Variants in NFIC observed in about 807,000 individuals in gnomAD.
The protein encoded by NFIC is nuclear factor 1 C-type.
A neutral mutation model predicts 54.4 loss-of-function variants in NFIC; 12 were observed. That is an observed-to-expected ratio of 0.22 (90% confidence interval 0.14 to 0.36). NFIC has a LOEUF of 0.36. NFIC is among the 10% of genes least tolerant of loss of function. NFIC has a pLI of 1.00. For synonymous variants in NFIC, 322 were observed against 319.2 expected (o/e 1.01, Z -0.09); for missense variants, 575 against 718.2 (o/e 0.80, Z 2.28).
intron 7 of NFIC, among the ~76,000 whole-genome samples, chr19:3,450,921 G>T (rs2082452922): frequency 1.3e-5 from 2 of 152,208 alleles, no homozygotes; most frequent in African/African-American, 2.4e-5. Flanking sequence ...CCACGTCTTT[G>T]TATATGTCCT....
chr19:3,459,219 C>T lies in NFIC; in HGVS notation c.1509+2584C>T, dbSNP rs12984804. Among the ~76,000 whole-genome samples the T allele has an allele frequency of 0.22, 33,107 of 149,032 alleles. 4,369 individuals carry two copies. Among genetic ancestry groups the T allele is most frequent in the East Asian group, 0.67 (3,223 of 4,846 alleles). On this transcript the variant is annotated intron_variant, in intron 10 of 10. Transcript: ENST00000443272. The surrounding 1 kb of genome is among the most constrained non-coding windows in gnomAD (Gnocchi z 4.2). The stretch of plus-strand genomic sequence containing the variant: ...GGGCGCGCCTTTCCCTCTGCCTCTC[C>T]GGCTCCCGACACCCCCCAGTCCATG...
At chr19:3,437,954 C>T (rs2082231295) in intron 6 of NFIC, among the ~76,000 whole-genome samples, 1 of 152,084 alleles carries the variant, frequency 6.6e-6, no homozygotes. Flanking sequence ...TCTCAGCCTC[C>T]CAAAGTGCTG....
chr19:3,463,527 C>G lies in NFIC; in HGVS notation c.*758C>G. 1.0e-6 allele frequency: 1 copy of G among 984,410 alleles called. No homozygotes were observed. The highest frequency in any genetic ancestry group is 1.2e-6 in the Non-Finnish European group (1 of 829,658). 61.0% of individuals were successfully genotyped at this position (984,410 alleles called of 1,614,324 possible). On this transcript the variant is annotated 3_prime_UTR_variant, in exon 11 of 11. Transcript: ENST00000443272. ...GCGGGGCCTCCCCACAAGCCCCTCC[C>G]AAAGCGCCGGCCGACTCGCTGTCTC... is the stretch of plus-strand genomic sequence containing the variant.
intron 1 of NFIC, among the ~76,000 whole-genome samples, chr19:3,372,719 G>GT (rs1555739466): frequency 1.2e-4 from 18 of 148,948 alleles, no homozygotes; most frequent in African/African-American, 4.2e-4. Flanking sequence ...GGGTGGGGGG[G>GT]TGCCAGGAGG....
intron 6 of NFIC, among the ~76,000 whole-genome samples, chr19:3,440,303 C>T (rs932151147): frequency 2.0e-5 from 3 of 151,970 alleles, no homozygotes; most frequent in Non-Finnish European, 2.9e-5. Flanking sequence ...TGGTGACAAC[C>T]GTAAATGTCC....
rs1060363 is a variant in NFIC at position 3,452,639 on chromosome 19, C to T, written c.1242C>T (p.Cys414=). Residue 414 remains cysteine (C), a synonymous_variant, in exon 8 of 11, where the codon TGC becomes TGT. Transcript: ENST00000443272. The surrounding 1 kb of genome is among the most constrained non-coding windows in gnomAD (Gnocchi z 5.3). ...DPLKDLVSLA[C]DPASQQPGPL... ...TCAAAGATCTTGTCTCGCTGGCCTG[C>T]GACCCAGCCAGCCAGCAACCTGGAC... 21,040 of 1,610,422 alleles carry T rather than the reference C, an allele frequency of 0.013. 2,041 individuals carry two copies. In the African/African-American group the frequency reaches 0.23, roughly 18 times the overall value.
In NFIC at chr19:3,375,835, C is replaced by G. The variant is rs1481526031; in HGVS notation, c.31-5877C>G. The stretch of plus-strand genomic sequence containing the variant: ...ATCTGGCAGCAGCTGCTCTGCCCAT[C>G]CCGGCCTGGAAATGGGACCGAGTCC... On this transcript the variant is annotated intron_variant, in intron 1 of 10. Coordinates refer to ENST00000443272, the MANE Select transcript of NFIC (RefSeq NM_001245002.2). This position sits in a 1 kb window ranked among gnomAD's most constrained non-coding sequence, Gnocchi z 4.6. Among the ~76,000 whole-genome samples the G allele has an allele frequency of 3.9e-5, 6 of 152,186 alleles. No individual in the cohort carries two copies. The highest frequency in any genetic ancestry group is 8.8e-5 in the Non-Finnish European group (6 of 68,024).
chr19:3,389,144 G>A (rs1487101662), intron 2 of NFIC, among the ~76,000 whole-genome samples: 2 of 152,098 alleles, frequency 1.3e-5, no homozygotes, highest in African/African-American at 4.8e-5. Flanking sequence ...CACTCAGGGA[G>A]TAAATGAATG....
intron 10 of NFIC, among the ~76,000 whole-genome samples, chr19:3,457,222 A>C (rs2082572928): frequency 6.6e-6 from 1 of 152,182 alleles, no homozygotes; most frequent in Non-Finnish European, 1.5e-5. Context: ...GGCAGGGGCC[A>C]GCGTTCATGT....
At chr19:3,374,879 G>C (rs1185513986) in intron 1 of NFIC, among the ~76,000 whole-genome samples, 7 of 152,138 alleles carry the variant, frequency 4.6e-5, no homozygotes, top group African/African-American at 1.7e-4. Flanking sequence ...AGGGAGGATG[G>C]GGCAGCAGGT....
upstream of NFIC, chr19:3,366,468 AGAGCAGGAGG>A (rs2080884619): frequency 2.1e-6 from 1 of 485,834 alleles, no homozygotes; most frequent in East Asian, 3.7e-5. Flanking sequence ...CGAGAGAGGG[AGAGCAGGAGG>A]GAGGAGGAGG....
chr19:3,447,803 C>T (rs1354909405), intron 6 of NFIC, among the ~76,000 whole-genome samples: 3 of 152,266 alleles, frequency 2.0e-5, no homozygotes, highest in Non-Finnish European at 4.4e-5. Flanking sequence ...TTCCCCCACA[C>T]CCAGGGGCTT....
chr19:3,442,208 C>T (rs1390504186), intron 6 of NFIC, among the ~76,000 whole-genome samples: 1 of 152,190 alleles, frequency 6.6e-6, no homozygotes, highest in Non-Finnish European at 1.5e-5. Context: ...TACGCGGCTG[C>T]GTGGGGTGGA....
rs776678577 is a variant in NFIC, at chr19:3,453,720, G to T, written c.1270-43G>T. 1.3e-6 allele frequency: 2 copies of T among 1,568,606 alleles called. No individual in the cohort carries two copies. The highest frequency in any genetic ancestry group is 1.7e-6 in the Non-Finnish European group (2 of 1,162,420). On this transcript the variant is annotated intron_variant, in intron 8 of 10. Transcript: ENST00000443272. This position sits in a 1 kb window ranked among gnomAD's most constrained non-coding sequence, Gnocchi z 6.7. Reference sequence around the variant, plus strand: ...GCCGGCGCCAGCAGCCCGAGGTAGAGGGGGAGCCCACCCCTTAACCACGTG... The same window carrying T: ...GCCGGCGCCAGCAGCCCGAGGTAGATGGGGAGCCCACCCCTTAACCACGTG...
In NFIC at chr19:3,465,393, T is replaced by A. The variant is rs1408682222; in HGVS notation, c.*2624T>A. On this transcript the variant is annotated 3_prime_UTR_variant, in exon 11 of 11. Coordinates refer to ENST00000443272, the MANE Select transcript of NFIC (RefSeq NM_001245002.2). ...TTGAAAAGGGATGTATTTCTATTTG[T>A]AAAAAAAATAAAATAAAAAATAAGA... is the stretch of plus-strand genomic sequence containing the variant. The A allele has an allele frequency of 3.0e-5, 2 of 67,398 alleles. No individual in the cohort carries two copies. Among genetic ancestry groups the A allele is most frequent in the African/African-American group, 5.1e-5 (1 of 19,518 alleles). 4.2% of individuals were successfully genotyped at this position (67,398 alleles called of 1,614,324 possible).
rs540556448 is a variant in NFIC, at chr19:3,379,584, G to T, written c.31-2128G>T. 6.6e-5 allele frequency among the ~76,000 whole-genome samples: 10 copies of T among 151,296 alleles called. No homozygotes were observed. The South Asian group carries it at 2.1e-3, about 32-fold the overall frequency. ...TGGTGTCAAGCTCTTGACCTCAAGC[G>T]ATCCACCTGCCTCAGCCTCCCAAAG... On this transcript the variant is annotated intron_variant, in intron 1 of 10. Coordinates refer to ENST00000443272, the MANE Select transcript of NFIC (RefSeq NM_001245002.2).
chr19:3,447,826 C>G (rs944771289), intron 6 of NFIC, among the ~76,000 whole-genome samples: 1 of 152,204 alleles, frequency 6.6e-6, no homozygotes, highest in African/African-American at 2.4e-5. Context: ...CAGGGGGTGC[C>G]TGGAGGGGGA....
chr19:3,424,990 G>A (rs1330148497), intron 2 of NFIC, 116 bp from the exon 3 acceptor site: 3 of 1,071,034 alleles, frequency 2.8e-6, no homozygotes, highest in Non-Finnish European at 4.0e-6. Context: ...TGGGGCCACT[G>A]TTTGTCTCCA....
intron 2 of NFIC, among the ~76,000 whole-genome samples, chr19:3,404,504 C>A (rs566260500): frequency 6.6e-5 from 10 of 152,098 alleles, no homozygotes; most frequent in Admixed American, 2.6e-4. Flanking sequence ...CGTGTTTAAC[C>A]CCTCAGAGGC....
Sources: gnomAD v4.1 joint callset for allele counts (sites outside exome capture counted in the v4.1 genomes callset) on GRCh38, gnomAD v4.1.1 for gene constraint, Gnocchi (gnomAD v3.1) non-coding constraint, MANE v1.5 for transcripts, NCBI Gene and HGNC (gene_info 2026-07-23, HGNC 2026-07-21) for gene names.